IFTAP: variants seen among roughly 807,000 people sequenced by gnomAD.
The protein encoded by IFTAP is intraflagellar transport associated protein.
In IFTAP, 19 loss-of-function variants were observed where a neutral mutation model predicts 19.4. That is an observed-to-expected ratio of 0.98 (90% confidence interval 0.68 to 1.44). The LOEUF (loss-of-function observed/expected upper bound fraction) is 1.44, where lower values mean the gene tolerates loss of function less well. Among genes scored for constraint, IFTAP ranks in the 40% most tolerant of loss-of-function variants. The pLI is 0.00. For missense variants in IFTAP, 240 were observed against 253.6 expected (o/e 0.95, Z 0.36); for synonymous variants, 85 against 83.5 (o/e 1.02, Z -0.10).
chr11:36,635,005 A>C (rs1852881638), intron 3 of IFTAP, among the ~76,000 whole-genome samples: 1 of 152,162 alleles, frequency 6.6e-6, no homozygotes, highest in African/African-American at 2.4e-5. Context: ...TTAGTAGTGA[A>C]ACCATTATGT....
chr11:36,614,046 C>A (rs1851973703), intron 2 of IFTAP, among the ~76,000 whole-genome samples: 1 of 151,782 alleles, frequency 6.6e-6, no homozygotes. Context: ...TTAGGTATAT[C>A]TCCCAGTGCT....
intron 2 of IFTAP, among the ~76,000 whole-genome samples, chr11:36,614,273 A>G: frequency 1.4e-5 from 2 of 146,284 alleles, no homozygotes; most frequent in African/African-American, 5.2e-5. Context: ...GCTGCATAGT[A>G]TTCCATGGTG....
At chr11:36,605,341 C>T (rs1851657989) in intron 1 of IFTAP, among the ~76,000 whole-genome samples, 1 of 141,396 alleles carries the variant, frequency 7.1e-6, no homozygotes, top group Non-Finnish European at 1.5e-5. Flanking sequence ...GTACACTGTG[C>T]ACTTTCAGAG....
intron 2 of IFTAP, among the ~76,000 whole-genome samples, chr11:36,613,472 T>C (rs1421234799): frequency 6.6e-6 from 1 of 152,058 alleles, no homozygotes; most frequent in Non-Finnish European, 1.5e-5. Flanking sequence ...GATTAAAAAG[T>C]AAATAAAATA....
chr11:36,633,777 T>G (rs1852820015), intron 3 of IFTAP, among the ~76,000 whole-genome samples: 1 of 152,124 alleles, frequency 6.6e-6, no homozygotes, highest in Non-Finnish European at 1.5e-5. Flanking sequence ...AAATGGGACT[T>G]TCTTTCACCT....
intron 3 of IFTAP, among the ~76,000 whole-genome samples, chr11:36,634,609 A>T (rs1852864866): frequency 6.6e-6 from 1 of 152,200 alleles, no homozygotes; most frequent in African/African-American, 2.4e-5. Flanking sequence ...AAGGCCAAAA[A>T]GTATTTTTTC....
chr11:36,645,111 G>T (rs1853426802), intron 4 of IFTAP, among the ~76,000 whole-genome samples: 2 of 152,004 alleles, frequency 1.3e-5, no homozygotes, highest in South Asian at 4.1e-4. Context: ...ATTTTATGTG[G>T]TAACAAATGA....
At chr11:36,623,730 C>G (rs1214328167) in intron 2 of IFTAP, among the ~76,000 whole-genome samples, 1 of 152,172 alleles carries the variant, frequency 6.6e-6, no homozygotes, top group African/African-American at 2.4e-5. Context: ...ACTAGGGAGA[C>G]CACACAGGCT....
intron 5 of IFTAP, among the ~76,000 whole-genome samples, chr11:36,651,644 T>A (rs1853733042): frequency 4.6e-5 from 7 of 152,224 alleles, no homozygotes; most frequent in Admixed American, 3.3e-4. Context: ...ATGTCCTGAA[T>A]GGTAATGCCT....
chr11:36,607,454 G>A (rs918934307), intron 1 of IFTAP, among the ~76,000 whole-genome samples: 5 of 152,128 alleles, frequency 3.3e-5, no homozygotes, highest in Non-Finnish European at 7.4e-5. Flanking sequence ...TTCTGGGAAA[G>A]CACCTTATAT....
At chr11:36,613,988 T>A (rs182140582) in intron 2 of IFTAP, among the ~76,000 whole-genome samples, 2 of 151,974 alleles carry the variant, frequency 1.3e-5, no homozygotes, top group Non-Finnish European at 1.5e-5. Flanking sequence ...TACATAGGTA[T>A]ACATGTGCCA....
At chr11:36,598,199 A>G in intron 1 of IFTAP, 1 of 152,002 alleles carries the variant, frequency 6.6e-6, no homozygotes, top group East Asian at 1.9e-4. Context: ...ACTGCCCACT[A>G]TGACTGTGGC....
intron 2 of IFTAP, among the ~76,000 whole-genome samples, chr11:36,619,811 G>A (rs369470124): frequency 6.6e-6 from 1 of 152,094 alleles, no homozygotes; most frequent in East Asian, 1.9e-4. Flanking sequence ...GCCATTTGCA[G>A]TGCCTTTCTG....
chr11:36,614,605 G>A (rs1038203628), intron 2 of IFTAP, among the ~76,000 whole-genome samples: 6 of 148,410 alleles, frequency 4.0e-5, no homozygotes, highest in Non-Finnish European at 7.4e-5. Flanking sequence ...TTTAATGATT[G>A]CCATTCTAAC....
At chr11:36,597,997 T>C (rs1590725850) in intron 1 of IFTAP, 2 of 152,210 alleles carry the variant, frequency 1.3e-5, no homozygotes, top group South Asian at 2.1e-4. Flanking sequence ...CCAAATCCAC[T>C]TGTGACTAAC....
chr11:36,628,163 A>G (rs897070156), intron 2 of IFTAP, among the ~76,000 whole-genome samples: 2 of 150,978 alleles, frequency 1.3e-5, no homozygotes, highest in Non-Finnish European at 2.9e-5. Flanking sequence ...GCACAGCTCT[A>G]ATTGTGACTC....
Position 36,648,095 on chromosome 11 carries a change from T to C in IFTAP, c.438T>C (p.Pro146=). ...CCTGTATCCCTTTTGTGGCCCAGCC[T>C]CCTACCTGTGAAGTGAAGCCAAAGC... The part of the protein sequence containing the change: ...IPSCIPFVAQ[P]PTCEVKPKPS... Residue 146 remains proline, a synonymous_variant, in exon 5 of 6, where the codon CCT becomes CCC. Coordinates refer to ENST00000334307, the MANE Select transcript of IFTAP (RefSeq NM_138787.4). 6.2e-7 allele frequency: 1 copy of C among 1,613,358 alleles called. No homozygotes were observed. Among genetic ancestry groups the C allele is most frequent in the South Asian group, 1.1e-5 (1 of 91,036 alleles).
intron 1 of IFTAP, among the ~76,000 whole-genome samples, chr11:36,598,568 T>A (rs1366443656): frequency 6.6e-6 from 1 of 152,238 alleles, no homozygotes; most frequent in African/African-American, 2.4e-5. Flanking sequence ...ATACCAGTGC[T>A]ATTCATTTTA....
At chr11:36,633,507 A>AG (rs1852808385) in intron 3 of IFTAP, 69 bp downstream of exon 3, 1 of 1,267,994 alleles carries the variant, frequency 7.9e-7, no homozygotes, top group Non-Finnish European at 1.0e-6. Flanking sequence ...ATCAAAAAAA[A>AG]GAGACCCTAC....
Sources: allele counts gnomAD v4.1 joint callset (sites outside exome capture counted in the v4.1 genomes callset), GRCh38; gene constraint gnomAD v4.1.1; transcripts MANE v1.5; gene names NCBI Gene and HGNC (gene_info 2026-07-23, HGNC 2026-07-21).